The following OCA2 variants were observed in gnomAD, a reference collection of about 807,000 sequenced individuals.
OCA2 encodes OCA2 melanosomal transmembrane protein.
In OCA2, 77 loss-of-function variants were observed where a neutral mutation model predicts 100.2. That is an observed-to-expected ratio of 0.77 (90% CI 0.64 to 0.93). The LOEUF is 0.93. Ranked by LOEUF, OCA2 falls within the 40% of genes least tolerant of loss-of-function variation. The pLI is 0.00. For synonymous variants in OCA2, 432 were observed against 439.2 expected, an observed-to-expected ratio of 0.98 and a Z score of 0.21; for missense variants, 1,062 against 1,089.1, an observed-to-expected ratio of 0.98 and a Z score of 0.35.
chr15:27,849,543 A>AAT (rs997957699), intron 22 of OCA2, among the ~76,000 whole-genome samples: 18 of 151,966 alleles, frequency 1.2e-4, no homozygotes, highest in African/African-American at 4.1e-4. Flanking sequence ...GACCAGTTAA[A>AAT]AAAAAAAAAA....
chr15:27,960,848 G>A, intron 15 of OCA2, among the ~76,000 whole-genome samples: 1 of 149,434 alleles, frequency 6.7e-6, no homozygotes, highest in Non-Finnish European at 1.5e-5. Context: ...AGGTTGCAGT[G>A]AGCCAAGATT....
intron 19 of OCA2, among the ~76,000 whole-genome samples, chr15:27,892,635 T>G (rs886109745): frequency 3.3e-5 from 5 of 152,088 alleles, no homozygotes; most frequent in Non-Finnish European, 7.4e-5. Flanking sequence ...ACAATCTAAG[T>G]TCCTACCTCA....
intron 19 of OCA2, among the ~76,000 whole-genome samples, chr15:27,887,733 T>G (rs952151999): frequency 4.0e-5 from 6 of 150,252 alleles, no homozygotes; most frequent in African/African-American, 1.5e-4. Context: ...CAGGGTGCAT[T>G]TTGTCCCTCA....
chr15:28,077,899 G>T (rs1407411999), intron 2 of OCA2, among the ~76,000 whole-genome samples: 1 of 152,134 alleles, frequency 6.6e-6, no homozygotes, highest in African/African-American at 2.4e-5. Flanking sequence ...GGCCAACATG[G>T]TGAAACCCCG....
intron 21 of OCA2, among the ~76,000 whole-genome samples, chr15:27,869,624 G>T (rs1275483142): frequency 6.6e-6 from 1 of 152,190 alleles, no homozygotes; most frequent in Non-Finnish European, 1.5e-5. Context: ...GAAAGGATCT[G>T]GGTGCAAACC....
chr15:27,843,907 T>A lies in OCA2; in HGVS notation c.2432+1052A>T, dbSNP rs2035434942. ...CACTGGCTACAGGGTTCTCTGCCAC[T>A]CAACCAAAGTTGAGGTTCCAAATCT... On this transcript the variant is annotated intron_variant, in intron 23 of 23. Coordinates refer to ENST00000354638, the MANE Select transcript of OCA2 (RefSeq NM_000275.3). 2.6e-5 allele frequency among the ~76,000 whole-genome samples: 4 copies of A among 152,172 alleles called. No homozygotes were observed. The South Asian group carries it at 8.3e-4, about 32-fold the overall frequency.
intron 19 of OCA2, among the ~76,000 whole-genome samples, chr15:27,911,567 G>A (rs2038397934): frequency 6.6e-6 from 1 of 152,178 alleles, no homozygotes; most frequent in East Asian, 1.9e-4. Flanking sequence ...GAGATCACAT[G>A]GCAGGAGCAG....
intron 17 of OCA2, among the ~76,000 whole-genome samples, chr15:27,952,400 G>A (rs1056580338): frequency 6.6e-6 from 1 of 152,312 alleles, no homozygotes; most frequent in African/African-American, 2.4e-5. Flanking sequence ...GGCAGGCCCC[G>A]AGGCACCTCA....
At chr15:27,838,339 T>G (rs181694591) in intron 23 of OCA2, among the ~76,000 whole-genome samples, 5 of 151,956 alleles carry the variant, frequency 3.3e-5, no homozygotes, top group African/African-American at 1.2e-4. Context: ...TATAATCAAA[T>G]GAAAATGTAA....
intron 19 of OCA2, among the ~76,000 whole-genome samples, chr15:27,882,176 AG>A (rs1260664930): frequency 6.6e-6 from 1 of 152,094 alleles, no homozygotes; most frequent in Admixed American, 6.6e-5. Context: ...GTTTTGAGTG[AG>A]TTTCTTATTC....
At chr15:28,091,569 G>A (rs1427987835) in intron 1 of OCA2, among the ~76,000 whole-genome samples, 1 of 152,158 alleles carries the variant, frequency 6.6e-6, no homozygotes, top group Non-Finnish European at 1.5e-5. Flanking sequence ...AATTCCACTT[G>A]TAGGAATATG....
intron 2 of OCA2, among the ~76,000 whole-genome samples, chr15:28,069,730 G>A (rs2044163829): frequency 6.9e-6 from 1 of 145,640 alleles, no homozygotes; most frequent in Non-Finnish European, 1.5e-5. Flanking sequence ...CTGGAGTGCA[G>A]TGGCGTGATC....
chr15:27,831,987 T>G (rs2034977715), intron 23 of OCA2, among the ~76,000 whole-genome samples: 11 of 147,898 alleles, frequency 7.4e-5, no homozygotes, highest in South Asian at 4.5e-4. Context: ...CTCAGGCGCC[T>G]TCTCTCCCTG....
chr15:28,063,711 T>A (rs2043943469), intron 2 of OCA2, among the ~76,000 whole-genome samples: 1 of 152,174 alleles, frequency 6.6e-6, no homozygotes, highest in African/African-American at 2.4e-5. Context: ...CTCACCTGTT[T>A]GTTCTATTGC....
At chr15:27,998,882 A>G (rs2041837181) in intron 9 of OCA2, among the ~76,000 whole-genome samples, 1 of 148,430 alleles carries the variant, frequency 6.7e-6, no homozygotes, top group African/African-American at 2.5e-5. Flanking sequence ...AAAAATGATG[A>G]GTTCATGTCC....
chr15:27,871,120 A>C (rs781517561), intron 21 of OCA2, 34 bp downstream of exon 21: 2 of 1,516,274 alleles, frequency 1.3e-6, no homozygotes, highest in East Asian at 2.3e-5. Context: ...TCCAGGCTAA[A>C]GTTGAGCCGT....
At chr15:27,984,305 C>T (rs1050866592) in intron 13 of OCA2, among the ~76,000 whole-genome samples, 2 of 152,070 alleles carry the variant, frequency 1.3e-5, no homozygotes, top group African/African-American at 4.8e-5. Context: ...TGGGCCCGGG[C>T]AGTGGTGCTC....
At chr15:27,838,685 C>A (rs1322368962) in intron 23 of OCA2, among the ~76,000 whole-genome samples, 1 of 152,192 alleles carries the variant, frequency 6.6e-6, no homozygotes, top group Non-Finnish European at 1.5e-5. Context: ...GAGAACGGGG[C>A]TGCCATCACA....
chr15:28,021,695 T>C (rs1323446870), intron 6 of OCA2, among the ~76,000 whole-genome samples: 1 of 152,118 alleles, frequency 6.6e-6, no homozygotes, highest in Non-Finnish European at 1.5e-5. Flanking sequence ...CTTCACCCTC[T>C]CCCGCTGCCT....
Sources: gnomAD v4.1 joint callset for allele counts (sites outside exome capture counted in the v4.1 genomes callset) on GRCh38, gnomAD v4.1.1 for gene constraint, MANE v1.5 for transcripts, NCBI Gene and HGNC (gene_info 2026-07-23, HGNC 2026-07-21) for gene names.